KCNK10: variants seen among roughly 807,000 people sequenced by gnomAD.
The protein encoded by KCNK10 is potassium two pore domain channel subfamily K member 10.
A neutral mutation model predicts 47.7 loss-of-function variants in KCNK10; 25 were observed. The ratio of observed to expected loss-of-function variants is 0.52; its 90% CI spans 0.38 to 0.73. The LOEUF is 0.73. Among genes scored for constraint, KCNK10 ranks in the 30% least tolerant of loss-of-function variants. KCNK10 has a pLI of 0.00. For missense variants in KCNK10, 563 were observed against 714.5 expected (o/e 0.79, Z 2.42); for synonymous variants, 303 against 285.6 (o/e 1.06, Z -0.61).
In KCNK10 at chr14:88,263,495, G is replaced by A. The variant is rs1193604348; in HGVS notation, c.109C>T (p.Pro37Ser). The change falls in exon 2 of 7, where the codon CCC (proline) becomes TCC (serine). Residue 37 changes from proline (P) to serine (S), a missense_variant. Physicochemically the swap from Pro to Ser is moderately conservative, Grantham distance 74. Coordinates refer to ENST00000319231, the MANE Select transcript of KCNK10 (RefSeq NM_138317.3). Reference protein sequence around the residue: ...CQPKSATNGQPPAPAPTPTPR... With the variant: ...CQPKSATNGQSPAPAPTPTPR... ...GTTGGAGTCGGAGCCGGAGCCGGGG[G>A]TTGCCCGTTAGTGGCGCTCTTGGGC... is the stretch of plus-strand genomic sequence containing the variant. 6 of 1,613,680 alleles carry A rather than the reference G, an allele frequency of 3.7e-6. No homozygotes were observed. Among genetic ancestry groups the A allele is most frequent in the Middle Eastern group, 1.7e-4 (1 of 5,998 alleles).
chr14:88,308,330 A>G (rs1262745756), intron 1 of KCNK10, among the ~76,000 whole-genome samples: 3 of 152,130 alleles, frequency 2.0e-5, no homozygotes, highest in African/African-American at 7.2e-5. Flanking sequence ...TTCTTAATGG[A>G]CACCCCAGTC....
In KCNK10 at chr14:88,240,816, G is replaced by C; in HGVS notation, c.407C>G (p.Ala136Gly). Residue 136 changes from alanine (A) to glycine (G), a missense_variant, in exon 3 of 7, where the codon GCT becomes GGT. Coordinates refer to ENST00000319231, the MANE Select transcript of KCNK10 (RefSeq NM_138317.3). ...GACTCCCGCATTGTCAGCATCAAGA[G>C]CATGCTGCAAAGAAAGGGAAAAAGC... ...PQELETLIQH[A>G]LDADNAGVSP... The C allele has an allele frequency of 6.3e-7, 1 of 1,596,200 alleles. No individual in the cohort carries two copies. The highest frequency in any genetic ancestry group is 8.6e-7 in the Non-Finnish European group (1 of 1,164,358).
intron 2 of KCNK10, among the ~76,000 whole-genome samples, chr14:88,243,919 C>A (rs1159644113): frequency 6.6e-6 from 1 of 151,448 alleles, no homozygotes; most frequent in Non-Finnish European, 1.5e-5. Flanking sequence ...CCTGCCAAAT[C>A]TTCAGTAAAA....
At chr14:88,314,982 T>C (rs1888399018) in intron 1 of KCNK10, among the ~76,000 whole-genome samples, 1 of 152,156 alleles carries the variant, frequency 6.6e-6, no homozygotes, top group Admixed American at 6.6e-5. Context: ...TCTAAGACTA[T>C]CAGGGAAGGA....
rs1447083602 is a variant in KCNK10, at chr14:88,263,216, C to G, written c.388G>C (p.Glu130Gln). The G allele has an allele frequency of 1.2e-6, 2 of 1,613,360 alleles. No homozygotes were observed. Among genetic ancestry groups the G allele is most frequent in the Non-Finnish European group, 1.7e-6 (2 of 1,179,424 alleles). Residue 130 changes from glutamate (E) to glutamine (Q), a missense_variant, in exon 2 of 7, where the codon GAG becomes CAG. Glu to Gln is a conservative substitution (Grantham distance 29, BLOSUM62 2). Transcript: ENST00000319231. ...TCCCTGCTCACCTGGATCAACGTCT[C>G]CAGCTCCTGGGGGCTCACACAGACA... is the stretch of plus-strand genomic sequence containing the variant. ...DHVCVSPQEL[E>Q]TLIQHALDAD... is the part of the protein sequence containing the mutation.
In KCNK10 at chr14:88,266,586, T is replaced by C. The variant is rs74630298; in HGVS notation, c.53-3035A>G. Among the ~76,000 whole-genome samples, 4 of 152,164 alleles carry C rather than the reference T, an allele frequency of 2.6e-5. No individual in the cohort carries two copies. The South Asian group carries it at 8.3e-4, about 32-fold the overall frequency. On this transcript the variant is annotated intron_variant, in intron 1 of 6. Coordinates refer to ENST00000319231, the MANE Select transcript of KCNK10 (RefSeq NM_138317.3). The stretch of plus-strand genomic sequence containing the variant: ...AGCAAATGTTGTTTTCCAGTGGTGG[T>C]GGTGGTGGTGGTGATAATTCCTTCA...
At chr14:88,220,559 A>G (rs1003822821) in intron 4 of KCNK10, among the ~76,000 whole-genome samples, 1 of 151,554 alleles carries the variant, frequency 6.6e-6, no homozygotes, top group Non-Finnish European at 1.5e-5. Flanking sequence ...CCACATAAAT[A>G]TAGTCAACTT....
At chr14:88,314,142 C>T (rs905168255) in intron 1 of KCNK10, among the ~76,000 whole-genome samples, 1 of 152,134 alleles carries the variant, frequency 6.6e-6, no homozygotes, top group Non-Finnish European at 1.5e-5. Flanking sequence ...CTGAATGTGT[C>T]CCCCCAGAAT....
chr14:88,243,284 A>G (rs1886533057), intron 2 of KCNK10, among the ~76,000 whole-genome samples: 1 of 152,200 alleles, frequency 6.6e-6, no homozygotes, highest in Non-Finnish European at 1.5e-5. Context: ...ATTCCATTCT[A>G]TCCTTTCCAT....
intron 1 of KCNK10, among the ~76,000 whole-genome samples, chr14:88,318,662 T>C (rs1888478495): frequency 6.6e-6 from 1 of 152,110 alleles, no homozygotes; most frequent in South Asian, 2.1e-4. Flanking sequence ...TGTGATCTAT[T>C]TGAGGAATGA....
intron 1 of KCNK10, among the ~76,000 whole-genome samples, chr14:88,284,613 G>A (rs151115181): frequency 6.2e-4 from 94 of 152,316 alleles, no homozygotes; most frequent in African/African-American, 2.1e-3. Flanking sequence ...GAAGCATCCA[G>A]CACGGGAGAA....
chr14:88,323,387 G>A (rs942731403), upstream of KCNK10: 1 of 774,310 alleles, frequency 1.3e-6, no homozygotes, highest in Non-Finnish European at 1.6e-6. Context: ...TTGGATGTAG[G>A]GGTGGCGCGG....
At chr14:88,266,926 G>A (rs1475162582) in intron 1 of KCNK10, among the ~76,000 whole-genome samples, 3 of 152,186 alleles carry the variant, frequency 2.0e-5, no homozygotes, top group East Asian at 1.9e-4. Flanking sequence ...CTTGAGAAAC[G>A]TCTCTTCAGG....
Position 88,227,381 on chromosome 14 carries a change from G to C in KCNK10, c.675C>G (p.Val225=), listed in dbSNP as rs2277524. The C allele has an allele frequency of 0.26, 415,783 of 1,606,610 alleles. 57,011 individuals are homozygous for C. The highest frequency in any genetic ancestry group is 0.48 in the East Asian group (21,556 of 44,770). ...AATATGACACAGTACTCACTCGAAA[G>C]ACCTTCTCCACTCTTGCAATGCTTT... ...FGKSIARVEK[V]FRKKQVSQTK... Residue 225 remains valine, a synonymous_variant, in exon 4 of 7, where the codon GTC becomes GTG. Coordinates refer to ENST00000319231, the MANE Select transcript of KCNK10 (RefSeq NM_138317.3).
chr14:88,274,668 T>G (rs1228946214), intron 1 of KCNK10, among the ~76,000 whole-genome samples: 1 of 151,882 alleles, frequency 6.6e-6, no homozygotes, highest in African/African-American at 2.4e-5. Context: ...AACAAATAGC[T>G]AGAGGTACTT....
chr14:88,183,369 A>G lies in KCNK10; in HGVS notation c.*2166T>C, dbSNP rs1268727772. On this transcript the variant is annotated 3_prime_UTR_variant, in exon 7 of 7. Coordinates refer to ENST00000319231, the MANE Select transcript of KCNK10 (RefSeq NM_138317.3). ...GCCGTAGGGCCTGGAATTTTAACAC[A>G]CTGCTACAAAGAACGTACCAGATAA... 6.6e-6 allele frequency: 1 copy of G among 152,384 alleles called. No homozygotes were observed. The highest frequency in any genetic ancestry group is 1.5e-5 in the Non-Finnish European group (1 of 68,044). The allele number at this position is 152,384 out of a possible 1,614,324, so 9.4% of individuals were successfully genotyped here.
rs553641868 is a variant in KCNK10, at chr14:88,242,136, G to A, written c.403-1316C>T. Among the ~76,000 whole-genome samples the A allele has an allele frequency of 7.2e-5, 11 of 152,308 alleles. 1 individual carries two copies. Among genetic ancestry groups the A allele is most frequent in the East Asian group, 1.9e-4 (1 of 5,190 alleles). ...GAGAGCAAGACACAAATATTGAAAC[G>A]TAATTACATTTATCCTAAGTAATGC... On this transcript the variant is annotated intron_variant, in intron 2 of 6. Coordinates refer to ENST00000319231, the MANE Select transcript of KCNK10 (RefSeq NM_138317.3).
In KCNK10 at chr14:88,185,736, G is replaced by C; in HGVS notation, c.1431C>G (p.Ile477Met). 1 of 1,614,170 alleles carries C rather than the reference G, an allele frequency of 6.2e-7. No individual in the cohort carries two copies. Among genetic ancestry groups the C allele is most frequent in the Non-Finnish European group, 8.5e-7 (1 of 1,180,032 alleles). The change falls in exon 7 of 7, where the codon ATC (isoleucine) becomes ATG (methionine). Residue 477 changes from isoleucine to methionine, a missense_variant. By Grantham distance (10) the Ile-to-Met change is conservative. Coordinates refer to ENST00000319231, the MANE Select transcript of KCNK10 (RefSeq NM_138317.3). The surrounding 1 kb of genome is among the most constrained non-coding windows in gnomAD (Gnocchi z 4.3). ...GGGAGTAATTCCGGAAGGTCTTGTA[G>C]ATTTTCTGAACGTCCTCGGGCAAGG... ...KKTLPEDVQK[I>M]YKTFRNYSLD...
In KCNK10 at chr14:88,181,015, G is replaced by A. The variant is rs1009797581; in HGVS notation, c.*4520C>T. ...ACAATTGCATCCTAACAGTGAGAAA[G>A]AATAACCCCATATTAGCAAAATGCA... On this transcript the variant is annotated 3_prime_UTR_variant, in exon 7 of 7. Coordinates refer to ENST00000319231, the MANE Select transcript of KCNK10 (RefSeq NM_138317.3). 1 of 394,970 alleles carries A rather than the reference G, an allele frequency of 2.5e-6. No individual in the cohort carries two copies. Among genetic ancestry groups the A allele is most frequent in the African/African-American group, 2.1e-5 (1 of 48,520 alleles). The allele number at this position is 394,970 out of a possible 1,614,324, so 24.5% of individuals were successfully genotyped here. A position where few individuals can be genotyped will look rare whatever the true frequency, so the allele number is the denominator to read the frequency against.
Sources: gnomAD v4.1 joint callset for allele counts (sites outside exome capture counted in the v4.1 genomes callset) on GRCh38, gnomAD v4.1.1 for gene constraint, Gnocchi (gnomAD v3.1) non-coding constraint, MANE v1.5 for transcripts, NCBI Gene and HGNC (gene_info 2026-07-23, HGNC 2026-07-21) for gene names.